Variants in CALN1 observed in about 807,000 individuals in gnomAD.
CALN1 encodes calcium-binding protein 8.
In CALN1, 17 loss-of-function variants were observed where a neutral mutation model predicts 30.6. That is an observed-to-expected ratio of 0.56 (90% CI 0.38 to 0.83). The LOEUF (loss-of-function observed/expected upper bound fraction) is 0.83, where lower values mean the gene tolerates loss of function less well. CALN1 is among the 40% of genes least tolerant of loss of function. The pLI is 0.00. For missense variants in CALN1, 291 were observed against 354.9 expected (o/e 0.82, Z 1.45); for synonymous variants, 156 against 131.4 (o/e 1.19, Z -1.28).
At chr7:72,327,822 G>T (rs1801383830) in intron 2 of CALN1, among the ~76,000 whole-genome samples, 1 of 152,114 alleles carries the variant, frequency 6.6e-6, no homozygotes, top group South Asian at 2.1e-4. Flanking sequence ...GCAAGGTTCA[G>T]TTCTTCCTAG....
intron 5 of CALN1, among the ~76,000 whole-genome samples, chr7:71,843,971 C>A (rs1247498505): frequency 6.6e-6 from 1 of 151,892 alleles, no homozygotes; most frequent in African/African-American, 2.4e-5. Flanking sequence ...CAGCTAAATG[C>A]ACGTTACTCA....
chr7:71,947,248 C>T (rs1051813453), intron 5 of CALN1, among the ~76,000 whole-genome samples: 1 of 152,106 alleles, frequency 6.6e-6, no homozygotes, highest in Non-Finnish European at 1.5e-5. Context: ...TGACCTCAGG[C>T]GATCTGCCCA....
chr7:72,221,372 C>T (rs1793286605), intron 3 of CALN1, among the ~76,000 whole-genome samples: 1 of 132,912 alleles, frequency 7.5e-6, no homozygotes, highest in Non-Finnish European at 1.5e-5. Context: ...GGCTGGAGTG[C>T]AGTGGCGTGA....
At chr7:72,292,554 C>T (rs1476716420) in intron 2 of CALN1, among the ~76,000 whole-genome samples, 1 of 151,284 alleles carries the variant, frequency 6.6e-6, no homozygotes, top group Non-Finnish European at 1.5e-5. Context: ...GGTGCAGTGG[C>T]TTATGCCTGT....
At chr7:72,167,697 T>G (rs1270088860) in intron 3 of CALN1, among the ~76,000 whole-genome samples, 1 of 152,210 alleles carries the variant, frequency 6.6e-6, no homozygotes, top group African/African-American at 2.4e-5. Flanking sequence ...TGAAGAATCA[T>G]TTAATATCTC....
chr7:72,491,159 G>C, the CALN1 span, among the ~76,000 whole-genome samples: 1 of 152,006 alleles, frequency 6.6e-6, no homozygotes, highest in South Asian at 2.1e-4. Flanking sequence ...CAGGAGAATG[G>C]CGTGAACCCG....
At chr7:72,064,460 A>T (rs1803883025) in intron 4 of CALN1, among the ~76,000 whole-genome samples, 1 of 152,216 alleles carries the variant, frequency 6.6e-6, no homozygotes, top group Non-Finnish European at 1.5e-5. Flanking sequence ...TTTGTCAGCC[A>T]GATGGACAAT....
At chr7:71,844,379 T>A (rs1790114235) in intron 5 of CALN1, among the ~76,000 whole-genome samples, 1 of 152,188 alleles carries the variant, frequency 6.6e-6, no homozygotes, top group Non-Finnish European at 1.5e-5. Flanking sequence ...GTTCTAAGTT[T>A]ATGTGACACT....
chr7:72,336,882 T>C (rs1562901613), intron 2 of CALN1: 2 of 984,872 alleles, frequency 2.0e-6, no homozygotes, highest in African/African-American at 1.8e-5. Context: ...GCATCCTCGC[T>C]GCCGCCGGCT....
chr7:72,049,836 G>A (rs764933532), intron 4 of CALN1, among the ~76,000 whole-genome samples: 19 of 135,484 alleles, frequency 1.4e-4, no homozygotes, highest in Non-Finnish European at 2.8e-4. Context: ...TTGAGATGCA[G>A]TCTCACTCTG....
chr7:72,487,364 A>G, the CALN1 span, among the ~76,000 whole-genome samples: 1 of 151,976 alleles, frequency 6.6e-6, no homozygotes, highest in African/African-American at 2.4e-5. Flanking sequence ...GAGACCAGGA[A>G]ATAAAACTCC....
At chr7:72,480,253 A>T in the CALN1 span, among the ~76,000 whole-genome samples, 1 of 152,236 alleles carries the variant, frequency 6.6e-6, no homozygotes, top group Non-Finnish European at 1.5e-5. Flanking sequence ...ACTTGTCAGG[A>T]ATCAATGAAG....
chr7:72,392,593 G>C (rs1480765980), intron 2 of CALN1, among the ~76,000 whole-genome samples: 2 of 152,158 alleles, frequency 1.3e-5, no homozygotes. Context: ...CATACGGTCT[G>C]CTAACAGCAA....
chr7:72,142,061 G>A (rs938823670), intron 3 of CALN1, among the ~76,000 whole-genome samples: 2 of 152,152 alleles, frequency 1.3e-5, no homozygotes, highest in Admixed American at 1.3e-4. Flanking sequence ...CAGAAGACAG[G>A]TGATTTCTGC....
At chr7:72,045,328 A>T (rs1167626355) in intron 4 of CALN1, among the ~76,000 whole-genome samples, 1 of 152,142 alleles carries the variant, frequency 6.6e-6, no homozygotes, top group Non-Finnish European at 1.5e-5. Flanking sequence ...GCTCCTGACT[A>T]TGTGTGCTTG....
In CALN1 at chr7:72,054,442, T is replaced by TAC. The variant is rs1209828906; in HGVS notation, c.389-30674_389-30673insGT. ...ACGTGTATATATACACGTATATATATATATACATATATATACATATATATA... is the reference window on the plus strand; with the variant it reads ...ACGTGTATATATACACGTATATATATACATATACATATATATACATATATATA... On this transcript the variant is annotated intron_variant, in intron 4 of 6. Coordinates refer to ENST00000395275, the MANE Select transcript of CALN1 (RefSeq NM_031468.4). 6.5e-4 allele frequency among the ~76,000 whole-genome samples: 49 copies of TAC among 74,832 alleles called. 5 individuals carry two copies. Among genetic ancestry groups the TAC allele is most frequent in the South Asian group, 1.6e-3 (5 of 3,148 alleles). The allele number at this position is 74,832 out of a possible 152,430, so 49.1% of individuals were successfully genotyped here.
At chr7:72,076,045 C>G (rs1804704992) in intron 4 of CALN1, among the ~76,000 whole-genome samples, 1 of 152,036 alleles carries the variant, frequency 6.6e-6, no homozygotes, top group African/African-American at 2.4e-5. Flanking sequence ...TCTTGAGCAC[C>G]TATGAAATGC....
At chr7:71,904,866 G>A (rs903814958) in intron 5 of CALN1, among the ~76,000 whole-genome samples, 1 of 152,094 alleles carries the variant, frequency 6.6e-6, no homozygotes, top group African/African-American at 2.4e-5. Flanking sequence ...TCATATTTCT[G>A]TGGAATGTGT....
At chr7:72,108,515 T>C (rs1807333654) in intron 3 of CALN1, among the ~76,000 whole-genome samples, 1 of 152,240 alleles carries the variant, frequency 6.6e-6, no homozygotes. Flanking sequence ...TGACTCCATC[T>C]TGGATGCTAA....
Sources: allele counts gnomAD v4.1 joint callset (sites outside exome capture counted in the v4.1 genomes callset), GRCh38; gene constraint gnomAD v4.1.1; transcripts MANE v1.5; gene names NCBI Gene and HGNC (gene_info 2026-07-23, HGNC 2026-07-21).